COL24A1: variants seen among roughly 807,000 people sequenced by gnomAD.
COL24A1 encodes collagen alpha-1(XXIV) chain.
COL24A1 carries 224 observed loss-of-function variants against 253.9 expected under a neutral mutation model. The observed-to-expected ratio is 0.88, with a 90% CI of 0.79 to 0.99. The LOEUF is 0.99. COL24A1 is among the 50% of genes least tolerant of loss of function. The pLI is 0.00. For missense variants in COL24A1, 2,131 were observed against 2,068.5 expected (o/e 1.03, Z -0.59); for synonymous variants, 685 against 673.7 (o/e 1.02, Z -0.26).
intron 19 of COL24A1, among the ~76,000 whole-genome samples, chr1:86,010,110 T>C (rs1696357587): frequency 6.6e-6 from 1 of 152,022 alleles, no homozygotes; most frequent in South Asian, 2.1e-4. Flanking sequence ...AGGAAACTAG[T>C]CAAGAATCAG....
At chr1:85,778,280 T>C (rs984595050) in intron 52 of COL24A1, among the ~76,000 whole-genome samples, 3 of 152,102 alleles carry the variant, frequency 2.0e-5, no homozygotes, top group Non-Finnish European at 4.4e-5. Flanking sequence ...ATTTTAAATT[T>C]TTTTGTAGAG....
At chr1:86,133,119 G>A (rs1182567446) in intron 2 of COL24A1, among the ~76,000 whole-genome samples, 1 of 152,112 alleles carries the variant, frequency 6.6e-6, no homozygotes, top group Non-Finnish European at 1.5e-5. Context: ...TGAAGCAATT[G>A]TGAATGGGAG....
intron 12 of COL24A1, among the ~76,000 whole-genome samples, chr1:86,037,880 T>C (rs987766323): frequency 2.0e-5 from 3 of 152,174 alleles, no homozygotes; most frequent in Non-Finnish European, 2.9e-5. Flanking sequence ...AAGTCTACTG[T>C]TGTTTCTAGT....
intron 14 of COL24A1, among the ~76,000 whole-genome samples, chr1:86,027,633 G>T (rs113578298): frequency 0.087 from 13,196 of 152,254 alleles, 699 homozygotes; most frequent in Middle Eastern, 0.18. Context: ...CCAGGCAGAA[G>T]TTTGCTGCAG....
intron 7 of COL24A1, among the ~76,000 whole-genome samples, chr1:86,066,137 T>A (rs551106944): frequency 6.6e-6 from 1 of 151,960 alleles, no homozygotes; most frequent in South Asian, 2.1e-4. Context: ...CATATTACAG[T>A]ACCTAGTTTT....
intron 52 of COL24A1, among the ~76,000 whole-genome samples, chr1:85,778,792 T>A (rs981225174): frequency 6.6e-6 from 1 of 151,794 alleles, no homozygotes; most frequent in African/African-American, 2.4e-5. Context: ...TTAGTAGAGA[T>A]GAAGTTTCAC....
chr1:86,045,669 A>T lies in COL24A1; in HGVS notation c.1950+1156T>A, dbSNP rs1699845146. 3 of 242,424 alleles carry T rather than the reference A, an allele frequency of 1.2e-5. No homozygotes were observed. The South Asian group carries it at 1.6e-4, about 13-fold the overall frequency. 15.0% of individuals were successfully genotyped at this position (242,424 alleles called of 1,614,324 possible). ...TTGAGAACTTAAAAAGGGTGATAAT[A>T]GCAACGGTGATGGCAGTTTCTACTG... On this transcript the variant is annotated intron_variant, in intron 12 of 59. Transcript: ENST00000370571.
chr1:85,870,147 C>G (rs1680285410), intron 35 of COL24A1, among the ~76,000 whole-genome samples: 1 of 152,196 alleles, frequency 6.6e-6, no homozygotes, highest in Admixed American at 6.5e-5. Flanking sequence ...GAAGAGCTAA[C>G]TATCCTAAAT....
chr1:85,828,927 A>T (rs1674782575), intron 43 of COL24A1, among the ~76,000 whole-genome samples: 1 of 150,294 alleles, frequency 6.7e-6, no homozygotes, highest in African/African-American at 2.4e-5. Context: ...ATTTACATTT[A>T]AAGTTAATAT....
chr1:86,136,638 C>T lies in COL24A1; in HGVS notation c.121+9481G>A, dbSNP rs144520534. 5.2e-3 allele frequency among the ~76,000 whole-genome samples: 786 copies of T among 152,016 alleles called. 8 individuals are homozygous for T. Among genetic ancestry groups the T allele is most frequent in the African/African-American group, 0.018 (745 of 41,502 alleles). ...AGGTCACACAGCTGATAAATGGTAG[C>T]GATGCATTTGAGCCCAATCAATATG... On this transcript the variant is annotated intron_variant, in intron 2 of 59. Transcript: ENST00000370571.
intron 43 of COL24A1, among the ~76,000 whole-genome samples, chr1:85,830,270 G>T (rs1675033379): frequency 6.6e-6 from 1 of 152,104 alleles, no homozygotes; most frequent in Non-Finnish European, 1.5e-5. Context: ...TGAGGAGGCA[G>T]TCTGCCCGTT....
At chr1:85,877,250 G>A in intron 32 of COL24A1, 75 bp from the exon 33 acceptor site, 12 of 1,019,606 alleles carry the variant, frequency 1.2e-5, no homozygotes, top group Non-Finnish European at 1.7e-5. Flanking sequence ...TCTGGATATG[G>A]GTTTTATAAT....
chr1:85,853,361 C>T (rs182133828), intron 37 of COL24A1, among the ~76,000 whole-genome samples: 8 of 151,624 alleles, frequency 5.3e-5, no homozygotes, highest in Non-Finnish European at 1.0e-4. Flanking sequence ...TTTTTTTTAT[C>T]CAGTCCACTG....
intron 5 of COL24A1, among the ~76,000 whole-genome samples, chr1:86,111,037 T>G (rs1274094072): frequency 6.6e-6 from 1 of 152,186 alleles, no homozygotes; most frequent in Non-Finnish European, 1.5e-5. Context: ...TTGGAGAACT[T>G]TATGTCTAGC....
rs1306331122 is a variant in COL24A1, at chr1:85,761,416, G to A, written c.4417C>T (p.Pro1473Ser). Residue 1473 changes from proline (P) to serine (S), a missense_variant, in exon 55 of 60, where the codon CCT becomes TCT. Coordinates refer to ENST00000370571, the MANE Select transcript of COL24A1 (RefSeq NM_152890.7). The part of the protein sequence containing the change: ...PRGQPGPPGP[P>S]GAPGPRKQMD... ...CTTACTCTTGGGCCTGGTGCTCCAGGTGGACCCTAGAACACAGCAAATTAA... is the reference window on the plus strand; with the variant it reads ...CTTACTCTTGGGCCTGGTGCTCCAGATGGACCCTAGAACACAGCAAATTAA... The A allele has an allele frequency of 6.2e-7, 1 of 1,614,022 alleles. No homozygotes were observed. Among genetic ancestry groups the A allele is most frequent in the East Asian group, 2.2e-5 (1 of 44,878 alleles).
intron 10 of COL24A1, among the ~76,000 whole-genome samples, chr1:86,053,596 G>T (rs545954426): frequency 2.0e-5 from 3 of 151,984 alleles, no homozygotes; most frequent in Admixed American, 6.6e-5. Flanking sequence ...TGGTTTGAAG[G>T]TTGTAGATCC....
intron 6 of COL24A1, among the ~76,000 whole-genome samples, chr1:86,089,647 C>A (rs1307135394): frequency 6.6e-6 from 1 of 152,000 alleles, no homozygotes; most frequent in African/African-American, 2.4e-5. Flanking sequence ...TGGTGAAACC[C>A]GTCTCTACTA....
At chr1:86,005,067 G>T (rs2101087853) in intron 19 of COL24A1, among the ~76,000 whole-genome samples, 1 of 152,302 alleles carries the variant, frequency 6.6e-6, no homozygotes, top group South Asian at 2.1e-4. Flanking sequence ...TGATAGCTGA[G>T]GGTGAGGGGA....
intron 7 of COL24A1, among the ~76,000 whole-genome samples, chr1:86,083,725 G>C (rs1227508005): frequency 1.3e-5 from 2 of 152,152 alleles, no homozygotes; most frequent in African/African-American, 4.8e-5. Flanking sequence ...ACAGCAGAGA[G>C]GAGGTGGTGC....
Sources: gnomAD v4.1 joint callset for allele counts (sites outside exome capture counted in the v4.1 genomes callset) on GRCh38, gnomAD v4.1.1 for gene constraint, MANE v1.5 for transcripts, NCBI Gene and HGNC (gene_info 2026-07-23, HGNC 2026-07-21) for gene names.